Variants in SAP30BP observed in about 807,000 individuals in gnomAD.
The protein encoded by SAP30BP is SAP30-binding protein.
A neutral mutation model predicts 46.3 loss-of-function variants in SAP30BP; 31 were observed. The observed-to-expected ratio is 0.67, with a 90% CI of 0.50 to 0.90. The LOEUF is 0.90. Among genes scored for constraint, SAP30BP ranks in the 40% least tolerant of loss-of-function variants. SAP30BP has a pLI of 0.00. For synonymous variants in SAP30BP, 169 were observed against 144.2 expected, an observed-to-expected ratio of 1.17 and a Z score of -1.23; for missense variants, 312 against 391.0, an observed-to-expected ratio of 0.80 and a Z score of 1.70.
intron 3 of SAP30BP, among the ~76,000 whole-genome samples, chr17:75,687,025 C>T (rs546839081): frequency 1.3e-5 from 2 of 152,324 alleles, no homozygotes; most frequent in Admixed American, 6.5e-5. Flanking sequence ...GATGCCTCCA[C>T]AAGAGGGTTT....
At chr17:75,671,046 G>A (rs1480568514) in intron 2 of SAP30BP, among the ~76,000 whole-genome samples, 1 of 152,154 alleles carries the variant, frequency 6.6e-6, no homozygotes, top group Admixed American at 6.5e-5. Context: ...CAGCGTTAGC[G>A]TTCAGTGGAA....
chr17:75,682,864 G>A (rs2148390104), intron 3 of SAP30BP, among the ~76,000 whole-genome samples: 1 of 150,716 alleles, frequency 6.6e-6, no homozygotes, highest in African/African-American at 2.4e-5. Context: ...TCAGGAGGCT[G>A]AGGCAGGAGA....
At chr17:75,689,478 A>T (rs2060211070) in intron 3 of SAP30BP, among the ~76,000 whole-genome samples, 1 of 152,096 alleles carries the variant, frequency 6.6e-6, no homozygotes, top group Non-Finnish European at 1.5e-5. Flanking sequence ...TTCCTTTCCT[A>T]GGTGAGGTGC....
chr17:75,704,739 T>G lies in SAP30BP; in HGVS notation c.602-17T>G. 1.2e-6 allele frequency: 2 copies of G among 1,610,324 alleles called. No homozygotes were observed. The highest frequency in any genetic ancestry group is 1.7e-4 in the Middle Eastern group (1 of 6,056). On this transcript the variant is annotated splice_polypyrimidine_tract_variant and intron_variant, in intron 8 of 10. Coordinates refer to ENST00000584667, the MANE Select transcript of SAP30BP (RefSeq NM_013260.8). Reference sequence around the variant, plus strand: ...GCTCGGGGGCCACCTTTGTAACAGCTTCTCTTGTCTTCATAGCCAAGGCCC... The same window carrying G: ...GCTCGGGGGCCACCTTTGTAACAGCGTCTCTTGTCTTCATAGCCAAGGCCC...
chr17:75,705,022 G>A (rs1308659653), intron 9 of SAP30BP: 2 of 555,630 alleles, frequency 3.6e-6, no homozygotes, highest in Non-Finnish European at 6.5e-6. Flanking sequence ...TCGGAGACTT[G>A]TTTGCTACAT....
chr17:75,691,735 A>G (rs554314956), intron 3 of SAP30BP: 2 of 285,792 alleles, frequency 7.0e-6, no homozygotes, highest in South Asian at 3.2e-5. Context: ...CAGTCCCTGT[A>G]TGATCAGCCA....
chr17:75,676,533 A>G (rs2059992817), intron 3 of SAP30BP, among the ~76,000 whole-genome samples: 2 of 152,262 alleles, frequency 1.3e-5, no homozygotes, highest in South Asian at 4.1e-4. Context: ...TCCTTGAAGT[A>G]ACAGGCTTTG....
chr17:75,671,388 A>G (rs1447839139), intron 2 of SAP30BP, among the ~76,000 whole-genome samples: 1 of 152,224 alleles, frequency 6.6e-6, no homozygotes, highest in Non-Finnish European at 1.5e-5. Context: ...TCTGATGTAC[A>G]TGTGTATATG....
rs181753518 is a variant in SAP30BP at position 75,676,999 on chromosome 17, A to C, written c.264+5136A>C. ...TTTGTCTGACTTTGTTATGCAGCAGAAGTATTTATGCATGCCTCTCATGTC... is the reference window on the plus strand; with the variant it reads ...TTTGTCTGACTTTGTTATGCAGCAGCAGTATTTATGCATGCCTCTCATGTC... On this transcript the variant is annotated intron_variant, in intron 3 of 10. Coordinates refer to ENST00000584667, the MANE Select transcript of SAP30BP (RefSeq NM_013260.8). Among the ~76,000 whole-genome samples the C allele has an allele frequency of 8.7e-3, 1,323 of 152,256 alleles. 9 individuals carry two copies. Among genetic ancestry groups the C allele is most frequent in the Non-Finnish European group, 0.012 (839 of 68,016 alleles).
chr17:75,697,447 C>T (rs2060339768), intron 4 of SAP30BP, among the ~76,000 whole-genome samples: 1 of 152,168 alleles, frequency 6.6e-6, no homozygotes, highest in Non-Finnish European at 1.5e-5. Context: ...ATCTGGGTTT[C>T]ACCTTTGCTT....
At chr17:75,703,765 C>T (rs2148421754) in intron 7 of SAP30BP, 43 bp from the exon 8 acceptor site, 1 of 1,584,640 alleles carries the variant, frequency 6.3e-7, no homozygotes, top group Non-Finnish European at 8.7e-7. Context: ...ACTTGGGTTT[C>T]TGAGTCATTT....
chr17:75,690,745 A>C (rs2060229479), intron 3 of SAP30BP: 1 of 456,636 alleles, frequency 2.2e-6, no homozygotes, highest in Non-Finnish European at 4.4e-6. Context: ...CTCAGAGGGC[A>C]GAAGAATCAC....
At chr17:75,667,576 C>A in intron 1 of SAP30BP, 98 bp downstream of exon 1, 2 of 1,097,204 alleles carry the variant, frequency 1.8e-6, no homozygotes, top group Non-Finnish European at 2.7e-6. Context: ...CATTGTGCTC[C>A]AAGCACCGGA....
Position 75,706,284 on chromosome 17 carries a change from G to A in SAP30BP, c.746-56G>A. The A allele has an allele frequency of 6.3e-7, 1 of 1,578,260 alleles. No homozygotes were observed. The highest frequency in any genetic ancestry group is 8.6e-7 in the Non-Finnish European group (1 of 1,157,760). ...CTCCCGCTGGCCTGCAGGGGGAAGG[G>A]AAAGAGGGCACCGCTCATTGGTGGA... is the stretch of plus-strand genomic sequence containing the variant. On this transcript the variant is annotated intron_variant, in intron 10 of 10. Coordinates refer to ENST00000584667, the MANE Select transcript of SAP30BP (RefSeq NM_013260.8). The surrounding 1 kb of genome is among the most constrained non-coding windows in gnomAD (Gnocchi z 4.6).
chr17:75,678,867 C>T (rs1035988827), intron 3 of SAP30BP, among the ~76,000 whole-genome samples: 8 of 152,258 alleles, frequency 5.3e-5, no homozygotes, highest in Admixed American at 3.3e-4. Context: ...CCTGAAGCCG[C>T]GCGCAGAATT....
chr17:75,667,568 T>C (rs1179466578), intron 1 of SAP30BP, 90 bp downstream of exon 1: 2 of 1,226,994 alleles, frequency 1.6e-6, no homozygotes, highest in Admixed American at 3.8e-5. Flanking sequence ...AAGATGGTCA[T>C]TGTGCTCCAA....
chr17:75,693,193 G>T (rs1233719074), intron 3 of SAP30BP: 2 of 491,400 alleles, frequency 4.1e-6, no homozygotes, highest in African/African-American at 2.0e-5. Flanking sequence ...TGGTGGGTTT[G>T]GTCACTGAAA....
intron 3 of SAP30BP, 107 bp from the exon 4 acceptor site, chr17:75,693,333 G>C: frequency 1.1e-6 from 1 of 923,322 alleles, no homozygotes; most frequent in Non-Finnish European, 1.7e-6. Flanking sequence ...GTTCCTGGCA[G>C]TGCTTTTACT....
intron 3 of SAP30BP, among the ~76,000 whole-genome samples, chr17:75,672,635 G>A (rs1002006408): frequency 2.6e-5 from 4 of 152,042 alleles, no homozygotes; most frequent in Non-Finnish European, 5.9e-5. Context: ...CTCTAGACCC[G>A]GGGAATAAGG....
Sources: allele counts gnomAD v4.1 joint callset (sites outside exome capture counted in the v4.1 genomes callset), GRCh38; gene constraint gnomAD v4.1.1; non-coding constraint Gnocchi (gnomAD v3.1); transcripts MANE v1.5; gene names NCBI Gene and HGNC (gene_info 2026-07-23, HGNC 2026-07-21).